FXYD7: variants seen among roughly 807,000 people sequenced by gnomAD.
The protein encoded by FXYD7 is FXYD domain-containing ion transport regulator 7.
In FXYD7, 7 loss-of-function variants were observed where a neutral mutation model predicts 15.3. The observed-to-expected ratio is 0.46, with a 90% CI of 0.26 to 0.86. The LOEUF (loss-of-function observed/expected upper bound fraction) is 0.86, where lower values mean the gene tolerates loss of function less well. Ranked by LOEUF, FXYD7 falls within the 40% of genes least tolerant of loss-of-function variation. The pLI is 0.16. For missense variants in FXYD7, 78 were observed against 100.6 expected (o/e 0.78, Z 0.96); for synonymous variants, 39 against 39.3 (o/e 0.99, Z 0.03).
chr19:35,143,392 A>T lies in FXYD7; in HGVS notation c.31+28A>T. 1 of 1,490,458 alleles carries T rather than the reference A, an allele frequency of 6.7e-7. No homozygotes were observed. Among genetic ancestry groups the T allele is most frequent in the Non-Finnish European group, 8.9e-7 (1 of 1,118,142 alleles). 92.3% of individuals were successfully genotyped at this position (1,490,458 alleles called of 1,614,324 possible). ...GAGCGTCGTTTGGGGAGGGGGTTGC[A>T]GGGGGGCTCCGGGATCTGAGAGCCT... On this transcript the variant is annotated intron_variant, in intron 1 of 5. Transcript: ENST00000270310. This position sits in a 1 kb window ranked among gnomAD's most constrained non-coding sequence, Gnocchi z 4.3.
Position 35,143,515 on chromosome 19 carries a change from C to T in FXYD7, c.31+151C>T. ...GTGGGCGGAAGCCCCTGTAATGCGC[C>T]CCCCCGATCGCCCCTCCGGGTCTCT... On this transcript the variant is annotated intron_variant, in intron 1 of 5. Coordinates refer to ENST00000270310, the MANE Select transcript of FXYD7 (RefSeq NM_022006.2). This position sits in a 1 kb window ranked among gnomAD's most constrained non-coding sequence, Gnocchi z 4.3. 1.6e-6 allele frequency: 1 copy of T among 620,512 alleles called. No individual in the cohort carries two copies. The highest frequency in any genetic ancestry group is 2.6e-6 in the Non-Finnish European group (1 of 387,216). 38.4% of individuals were successfully genotyped at this position (620,512 alleles called of 1,614,324 possible). A position where few individuals can be genotyped will look rare whatever the true frequency, so the allele number is the denominator to read the frequency against.
chr19:35,151,477 T>G lies in FXYD7; in HGVS notation c.174T>G (p.Ser58=). Residue 58 remains serine (S), a synonymous_variant, in exon 4 of 6, where the codon TCT becomes TCG. Coordinates refer to ENST00000270310, the MANE Select transcript of FXYD7 (RefSeq NM_022006.2). Reference sequence around the variant, plus strand: ...AGTGCAGGAAGGCGGACTCCAGGTCTGAGAGGTCTGGCAGCAGTGGGCAAA... The same window carrying G: ...AGTGCAGGAAGGCGGACTCCAGGTCGGAGAGGTCTGGCAGCAGTGGGCAAA... ...KVKCRKADSR[S]ESPTCKSCKS... is the part of the protein sequence containing the mutation. 1 of 1,614,144 alleles carries G rather than the reference T, an allele frequency of 6.2e-7. No homozygotes were observed. The highest frequency in any genetic ancestry group is 8.5e-7 in the Non-Finnish European group (1 of 1,180,000).
Position 35,153,950 on chromosome 19 carries a change from C to A in FXYD7, c.*34C>A. The A allele has an allele frequency of 6.2e-7, 1 of 1,605,710 alleles. No homozygotes were observed. Among genetic ancestry groups the A allele is most frequent in the South Asian group, 1.1e-5 (1 of 90,754 alleles). ...CGAGGAAACTCCGCTGCCGACCCTG[C>A]CTGAGCGCGGGAGCCTGAGGACCGG... On this transcript the variant is annotated 3_prime_UTR_variant, in exon 6 of 6. Coordinates refer to ENST00000270310, the MANE Select transcript of FXYD7 (RefSeq NM_022006.2).
In FXYD7 at chr19:35,151,291, A is replaced by T. The variant is rs775295448; in HGVS notation, c.99A>T (p.Ala33=). 17 of 1,611,088 alleles carry T rather than the reference A, an allele frequency of 1.1e-5. No individual in the cohort carries two copies. The African/African-American group carries it at 1.6e-4, about 15-fold the overall frequency. ...NTVQTVGMTL[A]TILFLLGILI... is the part of the protein sequence containing the mutation. The stretch of plus-strand genomic sequence containing the variant: ...TGCAGACTGTGGGCATGACTCTGGC[A>T]ACCATCTTGTTCCTGCTGGGTATCC... Residue 33 remains alanine (A), a synonymous_variant, in exon 3 of 6, where the codon GCA becomes GCT. Transcript: ENST00000270310.
intron 4 of FXYD7, 38 bp downstream of exon 4, chr19:35,151,520 G>A (rs777644039): frequency 2.4e-5 from 39 of 1,607,354 alleles, no homozygotes; most frequent in African/African-American, 1.9e-4. Context: ...AGGGGGCCTC[G>A]GGGTGCCTCC....
chr19:35,148,941 G>A (rs776356616), intron 2 of FXYD7: 1 of 680,540 alleles, frequency 1.5e-6, no homozygotes, highest in East Asian at 2.8e-5. Flanking sequence ...CCCCCTTCAG[G>A]TCTCACCGGG....
chr19:35,152,913 C>A (rs567378168), intron 5 of FXYD7, among the ~76,000 whole-genome samples: 251 of 117,980 alleles, frequency 2.1e-3, no homozygotes, highest in African/African-American at 7.7e-3. Flanking sequence ...ATGGGAATTT[C>A]TGTGTCTCTT....
chr19:35,152,160 A>T (rs1457401075), intron 5 of FXYD7, among the ~76,000 whole-genome samples: 1 of 141,062 alleles, frequency 7.1e-6, no homozygotes, highest in Non-Finnish European at 1.6e-5. Flanking sequence ...AAAAAAGAGG[A>T]AGGAAGAAAT....
At chr19:35,147,837 T>C (rs1198809559) in intron 1 of FXYD7, among the ~76,000 whole-genome samples, 2 of 151,486 alleles carry the variant, frequency 1.3e-5, no homozygotes, top group Non-Finnish European at 2.9e-5. Context: ...GTACTAAAAA[T>C]ACAAAAATTA....
At chr19:35,149,128 G>A (rs1285850531) in intron 2 of FXYD7, 2 of 451,826 alleles carry the variant, frequency 4.4e-6, no homozygotes, top group Admixed American at 2.4e-5. Context: ...GATAGTAATA[G>A]TTCCCACCTA....
intron 2 of FXYD7, 40 bp from the exon 3 acceptor site, chr19:35,151,214 G>A (rs776118709): frequency 3.8e-6 from 5 of 1,318,240 alleles, no homozygotes; most frequent in Non-Finnish European, 5.5e-6. Flanking sequence ...TGCAGCCAAG[G>A]TGCTGTCCCT....
intron 2 of FXYD7, among the ~76,000 whole-genome samples, chr19:35,150,568 AG>A (rs1167001563): frequency 6.6e-6 from 1 of 152,146 alleles, no homozygotes; most frequent in Non-Finnish European, 1.5e-5. Context: ...GACACTGGTG[AG>A]GGAAGGAGCC....
intron 2 of FXYD7, among the ~76,000 whole-genome samples, chr19:35,150,724 T>C (rs1430865762): frequency 6.6e-6 from 1 of 151,432 alleles, no homozygotes; most frequent in African/African-American, 2.4e-5. Flanking sequence ...TGAGGTGGGG[T>C]GAGGTCCAAG....
At chr19:35,148,788 C>A in intron 2 of FXYD7, 65 bp downstream of exon 2, 4 of 1,393,168 alleles carry the variant, frequency 2.9e-6, no homozygotes, top group Non-Finnish European at 4.1e-6. Flanking sequence ...CAGATCACTC[C>A]GGACATGGCT....
At chr19:35,150,956 A>G (rs1051371169) in intron 2 of FXYD7, among the ~76,000 whole-genome samples, 11 of 152,140 alleles carry the variant, frequency 7.2e-5, no homozygotes, top group Non-Finnish European at 1.0e-4. Context: ...AATGGTGGAC[A>G]GAACCAGGGC....
At chr19:35,148,792 C>G in intron 2 of FXYD7, 69 bp downstream of exon 2, 1 of 1,375,672 alleles carries the variant, frequency 7.3e-7, no homozygotes, top group East Asian at 2.3e-5. Flanking sequence ...TCACTCCGGA[C>G]ATGGCTTCAG....
At chr19:35,151,131 G>GTC in intron 2 of FXYD7, 123 bp from the exon 3 acceptor site, 1 of 760,746 alleles carries the variant, frequency 1.3e-6, no homozygotes, top group South Asian at 1.5e-5. Flanking sequence ...GGAGTGTCCA[G>GTC]CACAGTCCAC....
chr19:35,148,544 G>A lies in FXYD7; in HGVS notation c.32-150G>A, dbSNP rs1330656754. On this transcript the variant is annotated intron_variant, in intron 1 of 5. Coordinates refer to ENST00000270310, the MANE Select transcript of FXYD7 (RefSeq NM_022006.2). ...CTCTTCCAGCCTTGCGGCCTGCCAT[G>A]AGGCCACATCATCCAAACCAAGGGG... is the stretch of plus-strand genomic sequence containing the variant. The A allele has an allele frequency of 1.1e-5, 7 of 636,852 alleles. 1 individual carries two copies. Among genetic ancestry groups the A allele is most frequent in the Non-Finnish European group, 1.8e-5 (7 of 380,986 alleles). The allele number at this position is 636,852 out of a possible 1,614,324, so 39.5% of individuals were successfully genotyped here. A position where few individuals can be genotyped will look rare whatever the true frequency, so the allele number is the denominator to read the frequency against.
At chr19:35,149,336 G>A (rs938751027) in intron 2 of FXYD7, 25 of 325,664 alleles carry the variant, frequency 7.7e-5, no homozygotes, top group African/African-American at 4.6e-4. Context: ...CAGGACCTTT[G>A]CGTGTGCTAT....
Sources: gnomAD v4.1 joint callset for allele counts (sites outside exome capture counted in the v4.1 genomes callset) on GRCh38, gnomAD v4.1.1 for gene constraint, Gnocchi (gnomAD v3.1) non-coding constraint, MANE v1.5 for transcripts, NCBI Gene and HGNC (gene_info 2026-07-23, HGNC 2026-07-21) for gene names.